PDE4D: variants seen among roughly 807,000 people sequenced by gnomAD.
PDE4D encodes the protein 3',5'-cyclic-AMP phosphodiesterase 4D.
In PDE4D, 24 loss-of-function variants were observed where a neutral mutation model predicts 87.4. The observed-to-expected ratio is 0.27, with a 90% CI of 0.20 to 0.39. The LOEUF is 0.39. Among genes scored for constraint, PDE4D ranks in the 10% least tolerant of loss-of-function variants. The probability of loss-of-function intolerance (pLI) is 1.00; values close to 1 mark genes in which losing one functional copy is unlikely to be tolerated. For synonymous variants in PDE4D, 384 were observed against 383.2 expected (o/e 1.00, Z -0.02); for missense variants, 714 against 1,041.0 (o/e 0.69, Z 4.32).
At chr5:60,502,453 T>A (rs1750127662) in intron 1 of PDE4D, among the ~76,000 whole-genome samples, 1 of 152,226 alleles carries the variant, frequency 6.6e-6, no homozygotes, top group Non-Finnish European at 1.5e-5. Context: ...TCCAGCTTTG[T>A]TCTTTTGGCT....
At chr5:60,185,679 A>G (rs1333906727) in exon 2 of PDE4D, 1 of 801,002 alleles carries the variant, frequency 1.2e-6, no homozygotes, top group East Asian at 2.7e-5. Context: ...TCAAAAGCCA[A>G]CTGGAATGCT....
chr5:59,688,851 G>T (rs1165877597), intron 1 of PDE4D, among the ~76,000 whole-genome samples: 1 of 151,928 alleles, frequency 6.6e-6, no homozygotes, highest in Admixed American at 6.6e-5. Flanking sequence ...AAAGGGAGAA[G>T]AATCAAATAG....
chr5:60,236,895 A>T (rs1746492694), intron 1 of PDE4D, among the ~76,000 whole-genome samples: 1 of 151,910 alleles, frequency 6.6e-6, no homozygotes, highest in Admixed American at 6.6e-5. Flanking sequence ...TCTGGTGAAA[A>T]CTGTGTTAGA....
At chr5:60,472,271 T>C (rs1747870199) in intron 1 of PDE4D, among the ~76,000 whole-genome samples, 1 of 152,218 alleles carries the variant, frequency 6.6e-6, no homozygotes, top group East Asian at 1.9e-4. Flanking sequence ...ATTTCACAGA[T>C]AAGAAAACTG....
intron 1 of PDE4D, among the ~76,000 whole-genome samples, chr5:59,321,718 A>C (rs960114571): frequency 6.6e-6 from 1 of 152,122 alleles, no homozygotes; most frequent in South Asian, 2.1e-4. Context: ...TGCTAGCAGC[A>C]CAGAAGCCAC....
At chr5:60,111,027 G>A (rs1332270961) in intron 2 of PDE4D, among the ~76,000 whole-genome samples, 1 of 151,968 alleles carries the variant, frequency 6.6e-6, no homozygotes, top group African/African-American at 2.4e-5. Context: ...AGGAGGATGG[G>A]AAGGAGTTGG....
intron 3 of PDE4D, among the ~76,000 whole-genome samples, chr5:59,948,481 A>G (rs1037846405): frequency 2.6e-5 from 4 of 152,186 alleles, no homozygotes; most frequent in African/African-American, 9.7e-5. Flanking sequence ...GTGCAATTCT[A>G]ATTTTATGCT....
intron 1 of PDE4D, among the ~76,000 whole-genome samples, chr5:59,489,069 G>A (rs551958332): frequency 6.6e-6 from 1 of 151,836 alleles, no homozygotes; most frequent in Admixed American, 6.6e-5. Context: ...GGCGGATCAC[G>A]CGGTCAAGAG....
chr5:60,007,268 A>G (rs10940653), intron 2 of PDE4D, among the ~76,000 whole-genome samples: 2,836 of 152,126 alleles, frequency 0.019, 88 homozygotes, highest in African/African-American at 0.065. Context: ...TTCTTGAAGG[A>G]TAGAATAACA....
At chr5:59,601,614 C>T (rs1374911243) in intron 1 of PDE4D, among the ~76,000 whole-genome samples, 3 of 152,054 alleles carry the variant, frequency 2.0e-5, no homozygotes, top group Non-Finnish European at 2.9e-5. Flanking sequence ...TGTTCCAGCT[C>T]ACTGAAATAG....
intron 1 of PDE4D, among the ~76,000 whole-genome samples, chr5:59,850,158 G>A (rs375374812): frequency 1.3e-5 from 2 of 151,786 alleles, no homozygotes; most frequent in Admixed American, 6.6e-5. Context: ...TCTTTAACAC[G>A]TACATACTGA....
chr5:59,178,796 G>C (rs1035414513), intron 5 of PDE4D, among the ~76,000 whole-genome samples: 4 of 152,188 alleles, frequency 2.6e-5, no homozygotes, highest in African/African-American at 9.7e-5. Flanking sequence ...TGCCCAAATA[G>C]CAATGTCAGT....
At chr5:59,394,170 A>T (rs1296844319) in intron 1 of PDE4D, among the ~76,000 whole-genome samples, 1 of 152,170 alleles carries the variant, frequency 6.6e-6, no homozygotes, top group Non-Finnish European at 1.5e-5. Context: ...TTGGCAGATA[A>T]ATGACAGCAG....
chr5:60,076,409 T>C (rs6867665), intron 2 of PDE4D, among the ~76,000 whole-genome samples: 66,633 of 152,030 alleles, frequency 0.44, 15,352 homozygotes, highest in East Asian at 0.78. Context: ...CCACCCACCT[T>C]GGCCTCCCAA....
chr5:60,142,084 C>T (rs1404739132), intron 2 of PDE4D, among the ~76,000 whole-genome samples: 5 of 152,072 alleles, frequency 3.3e-5, no homozygotes, highest in African/African-American at 9.7e-5. Context: ...AGTACCTACA[C>T]ATGCAAAGCA....
At chr5:59,255,774 A>T (rs561752184) in intron 1 of PDE4D, among the ~76,000 whole-genome samples, 1 of 152,274 alleles carries the variant, frequency 6.6e-6, no homozygotes, top group Admixed American at 6.6e-5. Flanking sequence ...AAACTCTAAG[A>T]GTATATACAA....
intron 2 of PDE4D, among the ~76,000 whole-genome samples, chr5:60,121,281 T>C (rs1778653603): frequency 6.6e-6 from 1 of 152,022 alleles, no homozygotes; most frequent in African/African-American, 2.4e-5. Flanking sequence ...AGGAATAAGA[T>C]GCATTTTTAA....
chr5:60,327,459 C>A (rs906222953), intron 1 of PDE4D, among the ~76,000 whole-genome samples: 1 of 151,782 alleles, frequency 6.6e-6, no homozygotes, highest in African/African-American at 2.4e-5. Context: ...AATGATTAGA[C>A]TGCCCTTTTT....
At chr5:59,412,694 C>T (rs569785506) in intron 1 of PDE4D, among the ~76,000 whole-genome samples, 1 of 152,312 alleles carries the variant, frequency 6.6e-6, no homozygotes, top group South Asian at 2.1e-4. Context: ...ATCCCCTATA[C>T]AAATCACATG....
Sources: allele counts gnomAD v4.1 joint callset (sites outside exome capture counted in the v4.1 genomes callset), GRCh38; gene constraint gnomAD v4.1.1; transcripts MANE v1.5; gene names NCBI Gene and HGNC (gene_info 2026-07-23, HGNC 2026-07-21).